FRMD4B: variants seen among roughly 807,000 people sequenced by gnomAD.
FRMD4B encodes FERM domain-containing protein 4B.
Under a neutral mutation model 141.5 loss-of-function variants are expected in FRMD4B, and 74 were observed. The ratio of observed to expected loss-of-function variants is 0.52; its 90% CI spans 0.43 to 0.63. The LOEUF (loss-of-function observed/expected upper bound fraction) is 0.63, where lower values mean the gene tolerates loss of function less well. Ranked by LOEUF, FRMD4B falls within the 30% of genes least tolerant of loss-of-function variation. The pLI is 0.00. For synonymous variants in FRMD4B, 506 were observed against 467.9 expected (o/e 1.08, Z -1.05); for missense variants, 1,366 against 1,253.4 (o/e 1.09, Z -1.36).
chr3:69,334,982 G>A (rs1449408268), intron 1 of FRMD4B, among the ~76,000 whole-genome samples: 3 of 152,172 alleles, frequency 2.0e-5, no homozygotes, highest in Non-Finnish European at 4.4e-5. Context: ...GATGGGGAGA[G>A]TTGTTACTTT....
intron 1 of FRMD4B, among the ~76,000 whole-genome samples, chr3:69,494,805 T>C (rs943579436): frequency 7.2e-5 from 11 of 151,876 alleles, no homozygotes; most frequent in Admixed American, 6.6e-4. Flanking sequence ...GGCAGGAGAA[T>C]TGCTTGAACC....
At chr3:69,264,256 C>T (rs928052356) in intron 5 of FRMD4B, among the ~76,000 whole-genome samples, 8 of 152,200 alleles carry the variant, frequency 5.3e-5, no homozygotes, top group African/African-American at 1.9e-4. Context: ...TACCTGCTGT[C>T]ACCCCTGCCT....
intron 1 of FRMD4B, among the ~76,000 whole-genome samples, chr3:69,465,676 T>C (rs1346274269): frequency 1.3e-5 from 2 of 152,068 alleles, no homozygotes; most frequent in African/African-American, 4.8e-5. Context: ...TTACTGAGAA[T>C]GATGGTTTCC....
At chr3:69,245,419 C>T (rs975979952) in intron 7 of FRMD4B, among the ~76,000 whole-genome samples, 4 of 151,486 alleles carry the variant, frequency 2.6e-5, no homozygotes, top group Non-Finnish European at 5.9e-5. Context: ...TAGCTCAGTG[C>T]AAACCTCCAC....
Position 69,410,722 on chromosome 3 carries a change from AATAAATATATATATATATATATATAT to A in FRMD4B, c.-1+21886_-1+21911del, listed in dbSNP as rs1164292486. ...AAAGAAATATATAAATAAATAAATA[AATAAATATATATATATATATATATAT>A]ATATATATATATATATATATATATA... On this transcript the variant is annotated intron_variant, in intron 2 of 5. Transcript: ENST00000459638. 8.0e-4 allele frequency among the ~76,000 whole-genome samples: 47 copies of A among 58,540 alleles called. No homozygotes were observed. In the East Asian group the frequency reaches 0.022, roughly 27 times the overall value. The allele number at this position is 58,540 out of a possible 152,430, so 38.4% of individuals were successfully genotyped here. A position where few individuals can be genotyped will look rare whatever the true frequency, so the allele number is the denominator to read the frequency against.
At chr3:69,496,738 C>T (rs532855903) in intron 1 of FRMD4B, among the ~76,000 whole-genome samples, 1 of 150,984 alleles carries the variant, frequency 6.6e-6, no homozygotes, top group African/African-American at 2.4e-5. Flanking sequence ...CCAAGTCATA[C>T]TTAAAGCTTC....
intron 5 of FRMD4B, among the ~76,000 whole-genome samples, chr3:69,278,994 T>C (rs1409488380): frequency 6.6e-6 from 1 of 152,204 alleles, no homozygotes; most frequent in East Asian, 1.9e-4. Context: ...AGAAATATTA[T>C]GTCTTACAAA....
chr3:69,415,475 C>G (rs1704842149), intron 2 of FRMD4B, among the ~76,000 whole-genome samples: 1 of 152,110 alleles, frequency 6.6e-6, no homozygotes, highest in Admixed American at 6.5e-5. Flanking sequence ...TCCCCCTCTG[C>G]CCTCTAACAC....
At chr3:69,433,664 C>G (rs1463383618) in intron 1 of FRMD4B, among the ~76,000 whole-genome samples, 1 of 152,196 alleles carries the variant, frequency 6.6e-6, no homozygotes, top group Non-Finnish European at 1.5e-5. Flanking sequence ...AGTCATTTTT[C>G]TAGCAGGAAC....
chr3:69,535,819 C>T, intron 1 of FRMD4B: 1 of 473,680 alleles, frequency 2.1e-6, no homozygotes, highest in Non-Finnish European at 4.4e-6. Context: ...GGTGTTTGGC[C>T]CCTGGGCAGC....
rs141372930 is a variant in FRMD4B, at chr3:69,423,069, TAGTC to T, written c.-1+9561_-1+9564del. ...TTTTTGTGAGACAAATTTATTGATATAGTCAGTCCTCATTATTTACAAAATTCAA... is the reference window on the plus strand; with the variant it reads ...TTTTTGTGAGACAAATTTATTGATATAGTCCTCATTATTTACAAAATTCAA... On this transcript the variant is annotated intron_variant, in intron 2 of 5. Coordinates refer to the FRMD4B transcript ENST00000459638. Among the ~76,000 whole-genome samples, 1,491 of 152,364 alleles carry T rather than the reference TAGTC, an allele frequency of 9.8e-3. 29 individuals carry two copies. The highest frequency in any genetic ancestry group is 0.034 in the African/African-American group (1,425 of 41,594).
At chr3:69,343,447 G>T (rs1032728706) in intron 1 of FRMD4B, among the ~76,000 whole-genome samples, 2 of 152,008 alleles carry the variant, frequency 1.3e-5, no homozygotes, top group Non-Finnish European at 2.9e-5. Context: ...ATGCTTTAGG[G>T]TCACTGTTTG....
intron 1 of FRMD4B, among the ~76,000 whole-genome samples, chr3:69,377,977 A>ATTTTTT (rs35582091): frequency 1.4e-5 from 2 of 139,858 alleles, no homozygotes; most frequent in Admixed American, 7.2e-5. Flanking sequence ...CACTTGGCTA[A>ATTTTTT]TTTTTTTTTT....
chr3:69,180,144 C>T (rs1468677311), intron 21 of FRMD4B, among the ~76,000 whole-genome samples: 1 of 151,272 alleles, frequency 6.6e-6, no homozygotes, highest in Non-Finnish European at 1.5e-5. Flanking sequence ...ACATGTAATC[C>T]CAACACTTTG....
chr3:69,307,243 G>A (rs1026392394), intron 3 of FRMD4B, among the ~76,000 whole-genome samples: 3 of 152,136 alleles, frequency 2.0e-5, no homozygotes, highest in African/African-American at 7.2e-5. Context: ...TGGGAAAAAG[G>A]CTGTGTGAAC....
intron 5 of FRMD4B, among the ~76,000 whole-genome samples, chr3:69,279,201 AGACCCT>A (rs1490549558): frequency 6.6e-6 from 1 of 152,216 alleles, no homozygotes; most frequent in Non-Finnish European, 1.5e-5. Flanking sequence ...CACTCATCAC[AGACCCT>A]GACCCTTAAT....
At chr3:69,467,222 C>A (rs1253557486) in intron 1 of FRMD4B, among the ~76,000 whole-genome samples, 1 of 152,106 alleles carries the variant, frequency 6.6e-6, no homozygotes, top group African/African-American at 2.4e-5. Flanking sequence ...CTTTGGTTCT[C>A]CAAGCTCAAC....
Position 69,275,558 on chromosome 3 carries a change from C to G in FRMD4B, c.501+12194G>C, listed in dbSNP as rs1271580237. Among the ~76,000 whole-genome samples the G allele has an allele frequency of 2.0e-5, 3 of 151,544 alleles. No individual in the cohort carries two copies. In the East Asian group the frequency reaches 5.8e-4, roughly 29 times the overall value. ...GGGTTCCAGTGATCCTCCTGCCTTG[C>G]CATTCCAAGTAGCTAGGACCACAGG... On this transcript the variant is annotated intron_variant, in intron 5 of 22. Coordinates refer to ENST00000398540, the MANE Select transcript of FRMD4B (RefSeq NM_015123.3).
At chr3:69,447,762 T>C (rs1276900754) in intron 1 of FRMD4B, among the ~76,000 whole-genome samples, 1 of 152,218 alleles carries the variant, frequency 6.6e-6, no homozygotes, top group East Asian at 1.9e-4. Context: ...CGTATTACTT[T>C]TTCTAGAATT....
Sources: allele counts gnomAD v4.1 joint callset (sites outside exome capture counted in the v4.1 genomes callset), GRCh38; gene constraint gnomAD v4.1.1; transcripts MANE v1.5; gene names NCBI Gene and HGNC (gene_info 2026-07-23, HGNC 2026-07-21).